Variants in SLC39A11 observed in about 807,000 individuals in gnomAD.
SLC39A11 encodes solute carrier family 39 member 11, also known as zinc transporter ZIP11.
In SLC39A11, 33 loss-of-function variants were observed where a neutral mutation model predicts 36.1. That is an observed-to-expected ratio of 0.91 (90% CI 0.69 to 1.22). SLC39A11 has a LOEUF of 1.22. SLC39A11 is among the 50% of genes most tolerant of loss of function. The probability of loss-of-function intolerance (pLI) is 0.00; values close to 1 mark genes in which losing one functional copy is unlikely to be tolerated. For synonymous variants in SLC39A11, 166 were observed against 170.3 expected (o/e 0.97, Z 0.20); for missense variants, 432 against 430.3 (o/e 1.00, Z -0.03).
chr17:72,894,910 T>C (rs1297032283), intron 5 of SLC39A11, among the ~76,000 whole-genome samples: 2 of 152,042 alleles, frequency 1.3e-5, no homozygotes, highest in Non-Finnish European at 2.9e-5. Flanking sequence ...TGGGAGACCG[T>C]CTTTCTATGT....
At chr17:73,010,014 C>T (rs374349985) in intron 4 of SLC39A11, among the ~76,000 whole-genome samples, 36 of 152,144 alleles carry the variant, frequency 2.4e-4, no homozygotes, top group African/African-American at 8.7e-4. Flanking sequence ...CTCTCCACTC[C>T]AAGGTTTCGG....
At chr17:72,870,738 T>C (rs1192758079) in intron 5 of SLC39A11, among the ~76,000 whole-genome samples, 19 of 152,272 alleles carry the variant, frequency 1.2e-4, no homozygotes, top group Admixed American at 1.2e-3. Flanking sequence ...GTCTTACTTA[T>C]CTTTTAACTG....
chr17:72,933,280 G>A (rs1002552529), intron 5 of SLC39A11, among the ~76,000 whole-genome samples: 2 of 152,046 alleles, frequency 1.3e-5, no homozygotes, highest in Non-Finnish European at 2.9e-5. Context: ...CTATATACTA[G>A]CAATGAGCAA....
At chr17:72,767,238 G>T (rs948095513) in intron 6 of SLC39A11, among the ~76,000 whole-genome samples, 1 of 152,188 alleles carries the variant, frequency 6.6e-6, no homozygotes, top group Non-Finnish European at 1.5e-5. Flanking sequence ...GTTTATTGTA[G>T]TATTTTGTTT....
intron 6 of SLC39A11, among the ~76,000 whole-genome samples, chr17:72,777,301 A>T (rs946271702): frequency 3.9e-5 from 6 of 152,140 alleles, no homozygotes; most frequent in African/African-American, 1.4e-4. Context: ...TTTAATAGGA[A>T]CTCTTCTCAG....
chr17:72,913,225 G>T (rs2083129523), intron 5 of SLC39A11, among the ~76,000 whole-genome samples: 1 of 152,012 alleles, frequency 6.6e-6, no homozygotes, highest in South Asian at 2.1e-4. Flanking sequence ...TTTTTAAATG[G>T]GAAGCCTTGG....
chr17:72,648,362 AAC>A (rs2069674563), intron 9 of SLC39A11, among the ~76,000 whole-genome samples: 1 of 150,990 alleles, frequency 6.6e-6, no homozygotes, highest in Admixed American at 6.6e-5. Flanking sequence ...AACAAAACAA[AAC>A]AAAACAACAA....
chr17:72,958,241 G>A (rs925182309), intron 4 of SLC39A11, among the ~76,000 whole-genome samples: 1 of 152,220 alleles, frequency 6.6e-6, no homozygotes, highest in African/African-American at 2.4e-5. Flanking sequence ...ACTTTAAGAT[G>A]TGAAACTATA....
intron 3 of SLC39A11, among the ~76,000 whole-genome samples, chr17:73,032,007 G>A (rs1325795823): frequency 6.6e-6 from 1 of 152,078 alleles, no homozygotes; most frequent in Non-Finnish European, 1.5e-5. Context: ...CAATGGTTTT[G>A]CCCTCCACAG....
intron 7 of SLC39A11, among the ~76,000 whole-genome samples, chr17:72,695,826 C>G (rs926753208): frequency 5.9e-5 from 9 of 152,178 alleles, no homozygotes; most frequent in Non-Finnish European, 1.2e-4. Context: ...AGGATGCCTG[C>G]AGCCACCAGG....
intron 5 of SLC39A11, among the ~76,000 whole-genome samples, chr17:72,883,030 C>G (rs1352568503): frequency 1.3e-5 from 2 of 152,002 alleles, no homozygotes; most frequent in Non-Finnish European, 2.9e-5. Context: ...TTCCTGGCCT[C>G]AAATGATCCG....
At chr17:72,684,885 C>A (rs1011988648) in intron 7 of SLC39A11, among the ~76,000 whole-genome samples, 1 of 152,156 alleles carries the variant, frequency 6.6e-6, no homozygotes, top group Non-Finnish European at 1.5e-5. Context: ...TCTGGGCACA[C>A]AAGTTTGTCT....
chr17:72,882,222 G>A (rs1002759020), intron 5 of SLC39A11, among the ~76,000 whole-genome samples: 1 of 152,056 alleles, frequency 6.6e-6, no homozygotes, highest in Non-Finnish European at 1.5e-5. Context: ...CAGGCATGGT[G>A]GTGCACGTCT....
intron 5 of SLC39A11, among the ~76,000 whole-genome samples, chr17:72,885,415 C>T (rs763650451): frequency 3.9e-5 from 6 of 152,174 alleles, no homozygotes; most frequent in African/African-American, 7.2e-5. Flanking sequence ...CTCTTGCAAT[C>T]ACCTAGTTCC....
At chr17:73,013,497 G>C (rs1469646437) in intron 4 of SLC39A11, among the ~76,000 whole-genome samples, 1 of 152,204 alleles carries the variant, frequency 6.6e-6, no homozygotes, top group Non-Finnish European at 1.5e-5. Context: ...TGTTGCAAAA[G>C]CAGCTGCAGG....
At chr17:72,977,466 A>C (rs577225635) in intron 4 of SLC39A11, among the ~76,000 whole-genome samples, 41 of 152,308 alleles carry the variant, frequency 2.7e-4, no homozygotes, top group Admixed American at 2.0e-3. Context: ...AGAGAAAACT[A>C]AAATACCAGG....
intron 7 of SLC39A11, among the ~76,000 whole-genome samples, chr17:72,705,675 C>T (rs1383460109): frequency 2.6e-5 from 4 of 152,152 alleles, no homozygotes; most frequent in African/African-American, 9.7e-5. Context: ...GTATGAAGGT[C>T]CCTGCTCTTA....
At chr17:72,891,697 T>C (rs1316151414) in intron 5 of SLC39A11, among the ~76,000 whole-genome samples, 4 of 152,004 alleles carry the variant, frequency 2.6e-5, no homozygotes, top group African/African-American at 4.8e-5. Flanking sequence ...ATTACACATA[T>C]AGATATAGAT....
intron 7 of SLC39A11, among the ~76,000 whole-genome samples, chr17:72,686,068 G>A (rs1056240841): frequency 1.3e-5 from 2 of 151,866 alleles, no homozygotes; most frequent in Non-Finnish European, 2.9e-5. Context: ...TGGACCTCTT[G>A]ACCCTTGACC....
Sources: gnomAD v4.1 joint callset for allele counts (sites outside exome capture counted in the v4.1 genomes callset) on GRCh38, gnomAD v4.1.1 for gene constraint, MANE v1.5 for transcripts, NCBI Gene and HGNC (gene_info 2026-07-23, HGNC 2026-07-21) for gene names.